LRRIQ1: variants seen among roughly 807,000 people sequenced by gnomAD.
LRRIQ1 encodes the protein leucine rich repeats and IQ motif containing 1.
LRRIQ1 carries 210 observed loss-of-function variants against 211.9 expected under a neutral mutation model. That is an observed-to-expected ratio of 0.99 (90% CI 0.89 to 1.11). The LOEUF is 1.11. Among genes scored for constraint, LRRIQ1 ranks in the 50% most tolerant of loss-of-function variants. The pLI is 0.00. For missense variants in LRRIQ1, 2,136 were observed against 1,939.5 expected (o/e 1.10, Z -1.90); for synonymous variants, 699 against 650.1 (o/e 1.08, Z -1.14).
intron 26 of LRRIQ1, among the ~76,000 whole-genome samples, chr12:85,235,342 A>C (rs189848766): frequency 6.6e-6 from 1 of 152,284 alleles, no homozygotes; most frequent in East Asian, 1.9e-4. Context: ...ACATACTCTG[A>C]TAGTTTTATG....
intron 11 of LRRIQ1, among the ~76,000 whole-genome samples, chr12:85,094,771 A>C (rs945294925): frequency 2.0e-5 from 3 of 151,930 alleles, no homozygotes; most frequent in Non-Finnish European, 4.4e-5. Context: ...CCATTGTATT[A>C]TCTCTGATTT....
chr12:85,084,736 G>A (rs1045591209), intron 11 of LRRIQ1, among the ~76,000 whole-genome samples: 4 of 151,980 alleles, frequency 2.6e-5, no homozygotes, highest in African/African-American at 9.6e-5. Flanking sequence ...GACCAGCCTG[G>A]CCAACATGGT....
At position 85,198,072 on chromosome 12, in the gene LRRIQ1, T is replaced by A. The variant is rs868765982; in HGVS notation, c.4823-31445T>A. On this transcript the variant is annotated intron_variant, in intron 24 of 26. Coordinates refer to ENST00000393217, the MANE Select transcript of LRRIQ1 (RefSeq NM_001079910.2). ...TATATAATTATATATAACATATTAT[T>A]TATATATAATTTATTATATTATATA... 2.8e-5 allele frequency among the ~76,000 whole-genome samples: 3 copies of A among 105,764 alleles called. No individual in the cohort carries two copies. In the Admixed American group the frequency reaches 4.1e-4, roughly 14 times the overall value. 69.4% of individuals were successfully genotyped at this position (105,764 alleles called of 152,430 possible).
At chr12:85,268,137 G>A (rs1565935844), downstream of LRRIQ1, among the ~76,000 whole-genome samples, 1 of 151,728 alleles carries the variant, frequency 6.6e-6, no homozygotes, top group Non-Finnish European at 1.5e-5. Context: ...GAAATGATGG[G>A]AAATATTTCC....
chr12:85,211,853 C>T (rs929278153), intron 24 of LRRIQ1, among the ~76,000 whole-genome samples: 6 of 152,120 alleles, frequency 3.9e-5, no homozygotes, highest in African/African-American at 1.4e-4. Context: ...TAGAGAATCA[C>T]ACTGGAAACC....
chr12:85,269,577 T>C, the LRRIQ1 span, among the ~76,000 whole-genome samples: 1 of 152,004 alleles, frequency 6.6e-6, no homozygotes, highest in Non-Finnish European at 1.5e-5. Context: ...CTTCCAAGTA[T>C]AGACATTGGT....
chr12:85,111,684 T>A (rs142620635), intron 15 of LRRIQ1, among the ~76,000 whole-genome samples: 149 of 152,278 alleles, frequency 9.8e-4, no homozygotes, highest in African/African-American at 3.4e-3. Flanking sequence ...CATGTTTAGT[T>A]CTGAATATAT....
chr12:85,109,495 A>G (rs1887015069), intron 15 of LRRIQ1, among the ~76,000 whole-genome samples: 1 of 152,182 alleles, frequency 6.6e-6, no homozygotes, highest in Non-Finnish European at 1.5e-5. Context: ...TCCACGTTTT[A>G]GAAAAAAATT....
In LRRIQ1 at chr12:85,108,483, A is replaced by G. The variant is rs145682992; in HGVS notation, c.3377+1868A>G. The stretch of plus-strand genomic sequence containing the variant: ...GAACTAATCTCCTATGTCAGTTCCT[A>G]TAGTTCTGCCTTCAGTTTCTACTGG... On this transcript the variant is annotated intron_variant, in intron 15 of 26. Coordinates refer to ENST00000393217, the MANE Select transcript of LRRIQ1 (RefSeq NM_001079910.2). Among the ~76,000 whole-genome samples, 12 of 152,222 alleles carry G rather than the reference A, an allele frequency of 7.9e-5. No homozygotes were observed. In the East Asian group the frequency reaches 1.4e-3, roughly 17 times the overall value.
chr12:85,086,015 T>C (rs1009393952), intron 11 of LRRIQ1, among the ~76,000 whole-genome samples: 3 of 152,144 alleles, frequency 2.0e-5, no homozygotes, highest in African/African-American at 7.2e-5. Context: ...TCTAAACTGT[T>C]TGAACAGTCA....
At chr12:85,247,999 T>G (rs1895781105), downstream of LRRIQ1, among the ~76,000 whole-genome samples, 1 of 151,684 alleles carries the variant, frequency 6.6e-6, no homozygotes, top group Non-Finnish European at 1.5e-5. Flanking sequence ...ACATTCTCAT[T>G]CAAAAATTAT....
intron 17 of LRRIQ1, among the ~76,000 whole-genome samples, chr12:85,126,216 T>C (rs560365700): frequency 1.1e-4 from 16 of 152,234 alleles, no homozygotes; most frequent in African/African-American, 3.6e-4. Context: ...CTCATCTACC[T>C]TCTGTTTTTG....
chr12:85,078,976 T>C (rs746638732), intron 11 of LRRIQ1, among the ~76,000 whole-genome samples: 4 of 152,140 alleles, frequency 2.6e-5, no homozygotes, highest in Non-Finnish European at 5.9e-5. Context: ...CACATTTTTG[T>C]AAATCTCTTT....
chr12:85,038,081 T>C, intron 1 of LRRIQ1, 72 bp from the exon 2 acceptor site: 1 of 1,002,068 alleles, frequency 1.0e-6, no homozygotes, highest in Non-Finnish European at 1.3e-6. Flanking sequence ...AATAAATATG[T>C]TGGATTGGTA....
intron 18 of LRRIQ1, among the ~76,000 whole-genome samples, chr12:85,132,692 G>A (rs996409469): frequency 2.6e-5 from 4 of 151,944 alleles, no homozygotes; most frequent in Admixed American, 2.6e-4. Context: ...AGCCCGGATG[G>A]TCAAGGCTAC....
the LRRIQ1 span, among the ~76,000 whole-genome samples, chr12:85,271,445 TAA>T: frequency 7.2e-5 from 11 of 152,202 alleles, no homozygotes; most frequent in African/African-American, 2.7e-4. Context: ...TAAAATTCAC[TAA>T]GTCTTTCTTA....
At chr12:85,077,939 G>T (rs1883841415) in intron 11 of LRRIQ1, among the ~76,000 whole-genome samples, 2 of 150,048 alleles carry the variant, frequency 1.3e-5, no homozygotes, top group South Asian at 4.2e-4. Flanking sequence ...AGTAAGCCGA[G>T]ATCACACCAA....
At position 85,124,528 on chromosome 12, in the gene LRRIQ1, T is replaced by A; in HGVS notation, c.4007+9T>A. The A allele has an allele frequency of 6.3e-7, 1 of 1,582,106 alleles. No individual in the cohort carries two copies. Among genetic ancestry groups the A allele is most frequent in the Non-Finnish European group, 8.6e-7 (1 of 1,156,808 alleles). Reference sequence around the variant, plus strand: ...GAGCCTAGTGAAAAAATGTAAGATATATAAATAATGTTTCTTTTATAGATG... The same window carrying A: ...GAGCCTAGTGAAAAAATGTAAGATAAATAAATAATGTTTCTTTTATAGATG... On this transcript the variant is annotated intron_variant, in intron 17 of 26. Coordinates refer to ENST00000393217, the MANE Select transcript of LRRIQ1 (RefSeq NM_001079910.2).
chr12:85,262,211 A>G (rs924609944), intron 1 of LRRIQ1, among the ~76,000 whole-genome samples: 3 of 152,138 alleles, frequency 2.0e-5, no homozygotes, highest in Non-Finnish European at 4.4e-5. Context: ...TTTATTATAT[A>G]TAAATAATAA....
Sources: allele counts gnomAD v4.1 joint callset (sites outside exome capture counted in the v4.1 genomes callset), GRCh38; gene constraint gnomAD v4.1.1; transcripts MANE v1.5; gene names NCBI Gene and HGNC (gene_info 2026-07-23, HGNC 2026-07-21).